WASHC2C: variants seen among roughly 807,000 people sequenced by gnomAD.
WASHC2C encodes the protein WASH complex subunit 2C, also known as Vaccinia Penetration Factor.
WASHC2C carries 73 observed loss-of-function variants against 142.2 expected under a neutral mutation model. That is an observed-to-expected ratio of 0.51 (90% confidence interval 0.43 to 0.62). The LOEUF (loss-of-function observed/expected upper bound fraction) is 0.62. Among genes scored for constraint, WASHC2C ranks in the 20% least tolerant of loss-of-function variants. WASHC2C has a pLI of 0.00. For missense variants in WASHC2C, 969 were observed against 1,531.7 expected (o/e 0.63, Z 6.13); for synonymous variants, 337 against 565.5 (o/e 0.60, Z 5.73).
chr10:45,735,031 A>G (rs2051049772), intron 3 of WASHC2C, among the ~76,000 whole-genome samples: 1 of 151,706 alleles, frequency 6.6e-6, no homozygotes, highest in South Asian at 2.1e-4. Context: ...TCAGGCCTCC[A>G]TGGAATTGTG....
chr10:45,758,981 G>A (rs1231545225), intron 16 of WASHC2C, among the ~76,000 whole-genome samples: 16 of 150,826 alleles, frequency 1.1e-4, no homozygotes, highest in African/African-American at 3.9e-4. Context: ...GTGAAGCCCT[G>A]ACTTTCTCCT....
At chr10:45,739,948 CT>C (rs1469773729) in intron 4 of WASHC2C, 124 bp from the exon 5 acceptor site, 1 of 245,612 alleles carries the variant, frequency 4.1e-6, no homozygotes, top group Non-Finnish European at 7.8e-6. Flanking sequence ...CAGAATTTGA[CT>C]TTTTTAACAT....
intron 4 of WASHC2C, among the ~76,000 whole-genome samples, chr10:45,739,024 T>C (rs11239599): frequency 0.23 from 34,224 of 151,954 alleles, 4,302 homozygotes; most frequent in East Asian, 0.53. Context: ...TTATTTTTAA[T>C]AGAACTCAAG....
At chr10:45,749,682 T>A (rs1358354938) in intron 8 of WASHC2C, among the ~76,000 whole-genome samples, 1 of 150,474 alleles carries the variant, frequency 6.6e-6, no homozygotes, top group African/African-American at 2.4e-5. Context: ...AAAAATTTGC[T>A]GGGCGTAGTG....
chr10:45,784,252 GTATATATATATATATA>G (rs71225139), intron 23 of WASHC2C, among the ~76,000 whole-genome samples: 2 of 40,736 alleles, frequency 4.9e-5, no homozygotes, highest in African/African-American at 1.5e-4. Flanking sequence ...GTGTGTGTGT[GTATATATATATATATA>G]TATATATATA....
chr10:45,770,043 A>G (rs1272167638), intron 20 of WASHC2C, among the ~76,000 whole-genome samples: 3 of 151,352 alleles, frequency 2.0e-5, no homozygotes, highest in African/African-American at 7.3e-5. Flanking sequence ...GTTCAAGACC[A>G]GCCTGGCCAA....
chr10:45,742,488 G>A (rs1448732011), intron 5 of WASHC2C, among the ~76,000 whole-genome samples: 1 of 151,820 alleles, frequency 6.6e-6, no homozygotes, highest in Non-Finnish European at 1.5e-5. Flanking sequence ...CTAATTTTTA[G>A]TATTTTCGGT....
At chr10:45,762,518 A>C (rs2055249710) in intron 17 of WASHC2C, among the ~76,000 whole-genome samples, 1 of 152,362 alleles carries the variant, frequency 6.6e-6, no homozygotes, top group Non-Finnish European at 1.5e-5. Flanking sequence ...AGAATCTATC[A>C]GGTCTTATCC....
intron 8 of WASHC2C, 119 bp downstream of exon 8, chr10:45,746,766 T>G: frequency 7.1e-7 from 1 of 1,406,178 alleles, no homozygotes. Flanking sequence ...GTATACAATT[T>G]ATTTTCCTTT....
chr10:45,736,764 C>T (rs2051326611), intron 3 of WASHC2C, among the ~76,000 whole-genome samples: 1 of 152,126 alleles, frequency 6.6e-6, no homozygotes, highest in African/African-American at 2.4e-5. Flanking sequence ...TTTTAAAATA[C>T]ATCTCTTTTC....
At chr10:45,729,172 CTTTT>C (rs1352835714) in intron 3 of WASHC2C, 146 bp downstream of exon 3, 12 of 1,047,666 alleles carry the variant, frequency 1.1e-5, no homozygotes, top group Non-Finnish European at 1.2e-5. Context: ...ATTAACGCCT[CTTTT>C]TTATTTGTAA....
intron 29 of WASHC2C, among the ~76,000 whole-genome samples, chr10:45,789,781 C>G (rs1463648179): frequency 6.6e-6 from 1 of 152,278 alleles, no homozygotes; most frequent in East Asian, 1.9e-4. Context: ...TTGTAATCAG[C>G]TTCCTGGGCA....
chr10:45,754,371 T>C (rs777059508), intron 13 of WASHC2C, 115 bp from the exon 14 acceptor site: 2 of 1,558,078 alleles, frequency 1.3e-6, no homozygotes, highest in Non-Finnish European at 1.7e-6. Flanking sequence ...CAGGAAAAAG[T>C]AGTTTCAAAA....
chr10:45,745,718 T>C (rs1446632871), intron 7 of WASHC2C, among the ~76,000 whole-genome samples: 1 of 152,032 alleles, frequency 6.6e-6, no homozygotes, highest in Non-Finnish European at 1.5e-5. Context: ...CAATAGTTGC[T>C]CGTAGCAACT....
At chr10:45,740,848 CAG>C (rs2051929658) in intron 5 of WASHC2C, among the ~76,000 whole-genome samples, 1 of 152,120 alleles carries the variant, frequency 6.6e-6, no homozygotes, top group Non-Finnish European at 1.5e-5. Context: ...TGGGGTGACA[CAG>C]AGTCTCTCGG....
chr10:45,766,181 C>T (rs1195768780), intron 19 of WASHC2C, among the ~76,000 whole-genome samples: 1 of 152,192 alleles, frequency 6.6e-6, no homozygotes, highest in East Asian at 1.9e-4. Context: ...TTACCAGACA[C>T]AGGAGCCTTC....
intron 3 of WASHC2C, among the ~76,000 whole-genome samples, chr10:45,734,415 T>G (rs2050970963): frequency 6.6e-6 from 1 of 151,886 alleles, no homozygotes; most frequent in African/African-American, 2.4e-5. Context: ...CTTTTTTTCT[T>G]AATGTGAACT....
chr10:45,766,954 T>C (rs2055903506), intron 19 of WASHC2C, among the ~76,000 whole-genome samples: 1 of 152,024 alleles, frequency 6.6e-6, no homozygotes, highest in Non-Finnish European at 1.5e-5. Flanking sequence ...CTGAAGCAGA[T>C]TGCAAAAAAA....
At chr10:45,749,853 A>ATATATTTT (rs1229752219) in intron 8 of WASHC2C, among the ~76,000 whole-genome samples, 1 of 135,044 alleles carries the variant, frequency 7.4e-6, no homozygotes, top group Non-Finnish European at 1.6e-5. Context: ...ATATATATAT[A>ATATATTTT]TATTTATATA....
Sources: gnomAD v4.1 joint callset for allele counts (sites outside exome capture counted in the v4.1 genomes callset) on GRCh38, gnomAD v4.1.1 for gene constraint, MANE v1.5 for transcripts, NCBI Gene and HGNC (gene_info 2026-07-23, HGNC 2026-07-21) for gene names.